The following IFIT1B variants were observed in gnomAD, a reference collection of about 807,000 sequenced individuals.
IFIT1B encodes the protein interferon induced protein with tetratricopeptide repeats 1B.
A neutral mutation model predicts 2.5 loss-of-function variants in IFIT1B; 3 were observed. That is an observed-to-expected ratio of 1.21 (90% CI 0.55 to 3.14). IFIT1B has a LOEUF of 3.14. Among genes scored for constraint, IFIT1B ranks in the 30% most tolerant of loss-of-function variants. The pLI, the probability that IFIT1B is intolerant of heterozygous loss-of-function variation, is 0.03. For synonymous variants in IFIT1B, 196 were observed against 203.0 expected, an observed-to-expected ratio of 0.97 and a Z score of 0.29; for missense variants, 545 against 556.5, an observed-to-expected ratio of 0.98 and a Z score of 0.21.
chr10:89,383,925 C>T lies in IFIT1B; in HGVS notation c.612C>T (p.His204=), dbSNP rs777499902. ...ASGRNKAFSL[H]VLKRAVRLNP... Reference sequence around the variant, plus strand: ...GGAGGAATAAGGCATTTTCTCTGCACGTCCTAAAACGAGCTGTCAGGCTAA... The same window carrying T: ...GGAGGAATAAGGCATTTTCTCTGCATGTCCTAAAACGAGCTGTCAGGCTAA... Residue 204 remains histidine, a synonymous_variant, in exon 2 of 2, where the codon CAC becomes CAT. Coordinates refer to ENST00000371809, the MANE Select transcript of IFIT1B (RefSeq NM_001010987.2). The T allele has an allele frequency of 2.5e-5, 41 of 1,614,034 alleles. 1 individual carries two copies. The highest frequency in any genetic ancestry group is 5.5e-5 in the South Asian group (5 of 91,084).
At chr10:89,379,677 CA>C (rs553381001) in intron 1 of IFIT1B, among the ~76,000 whole-genome samples, 3 of 151,940 alleles carry the variant, frequency 2.0e-5, no homozygotes, top group African/African-American at 7.3e-5. Context: ...TGAAGGATTG[CA>C]AAAAAATTCA....
chr10:89,385,067 T>G lies in IFIT1B; in HGVS notation c.*329T>G, dbSNP rs1844200703. 1 of 209,330 alleles carries G rather than the reference T, an allele frequency of 4.8e-6. No individual in the cohort carries two copies. Among genetic ancestry groups the G allele is most frequent in the South Asian group, 1.2e-4 (1 of 8,008 alleles). The allele number at this position is 209,330 out of a possible 1,614,324, so 13.0% of individuals were successfully genotyped here. A position where few individuals can be genotyped will look rare whatever the true frequency, so the allele number is the denominator to read the frequency against. The stretch of plus-strand genomic sequence containing the variant: ...TGTACTGACCTTATGTGGAAAATGC[T>G]GCAACCCTGTTTACTGCCTATGTAA... On this transcript the variant is annotated 3_prime_UTR_variant, in exon 2 of 2. Coordinates refer to ENST00000371809, the MANE Select transcript of IFIT1B (RefSeq NM_001010987.2).
chr10:89,384,519 T>G lies in IFIT1B; in HGVS notation c.1206T>G (p.Tyr402Ter). 1 of 1,614,024 alleles carries G rather than the reference T, an allele frequency of 6.2e-7. No homozygotes were observed. Among genetic ancestry groups the G allele is most frequent in the Non-Finnish European group, 8.5e-7 (1 of 1,179,922 alleles). Residue 402 changes from tyrosine (Y) to a stop codon, truncating the protein, a stop_gained, in exon 2 of 2, where the codon TAT becomes TAG. Transcript: ENST00000371809. LOFTEE classifies it low-confidence loss of function (END_TRUNC). ...GKSQDKAITHYLKGLKIEKMS... is the reference protein window; with the variant it reads ...GKSQDKAITH ...CTCAAGATAAAGCAATTACCCATTA[T>G]TTAAAAGGTTTGAAAATAGAAAAAA...
chr10:89,382,839 C>G (rs544512826), intron 1 of IFIT1B, among the ~76,000 whole-genome samples: 120 of 152,326 alleles, frequency 7.9e-4, no homozygotes, highest in African/African-American at 2.9e-3. Flanking sequence ...ATATTTGGCT[C>G]TCATATTTTA....
At position 89,383,837 on chromosome 10, in the gene IFIT1B, C is replaced by G; in HGVS notation, c.524C>G (p.Pro175Arg). ...GCTCTGGAAGGGAACCCTGAAAACC[C>G]TGAATTCAATACTGGGTACGCAATC... ...EKALEGNPEN[P>R]EFNTGYAITV... Residue 175 changes from proline to arginine, a missense_variant, in exon 2 of 2, where the codon CCT (proline) becomes CGT (arginine). Transcript: ENST00000371809. The G allele has an allele frequency of 6.2e-7, 1 of 1,614,186 alleles. No homozygotes were observed. The highest frequency in any genetic ancestry group is 8.5e-7 in the Non-Finnish European group (1 of 1,180,030).
Position 89,383,539 on chromosome 10 carries a change from A to T in IFIT1B, c.226A>T (p.Lys76Ter), listed in dbSNP as rs1409567030. ...GAATGAGGAAGCCCTGGTCAGCTTG[A>T]AAAAGGCTGAAGACTTAATTCAGAA... is the stretch of plus-strand genomic sequence containing the variant. ...GQNEEALVSL[K>*]KAEDLIQKEH... The change falls in exon 2 of 2, where the codon AAA (lysine) becomes TAA (stop). Residue 76 changes from lysine (K) to a stop codon, truncating the protein, a stop_gained. Transcript: ENST00000371809. LOFTEE classifies it low-confidence loss of function (END_TRUNC). 6.2e-7 allele frequency: 1 copy of T among 1,614,236 alleles called. No individual in the cohort carries two copies. Among genetic ancestry groups the T allele is most frequent in the Non-Finnish European group, 8.5e-7 (1 of 1,180,040 alleles).
At chr10:89,379,282 A>G (rs1844144041) in intron 1 of IFIT1B, among the ~76,000 whole-genome samples, 1 of 152,218 alleles carries the variant, frequency 6.6e-6, no homozygotes, top group South Asian at 2.1e-4. Context: ...GGTAGCAGAA[A>G]TGCAAATTCT....
In IFIT1B at chr10:89,384,692, A is replaced by G; in HGVS notation, c.1379A>G (p.Tyr460Cys). 1.9e-6 allele frequency: 3 copies of G among 1,614,156 alleles called. No individual in the cohort carries two copies. Among genetic ancestry groups the G allele is most frequent in the South Asian group, 1.1e-5 (1 of 91,076 alleles). The change falls in exon 2 of 2, where the codon TAT (tyrosine) becomes TGT (cysteine). Residue 460 changes from tyrosine to cysteine, a missense_variant. Physicochemically the swap from Tyr to Cys is radical, Grantham distance 194. Transcript: ENST00000371809. ...GAAGTAAGTGATGCTTTGCTGTGCT[A>G]TGAGAGGGCTCTGAGGCTGGCTGCT... Reference protein sequence around the residue: ...KGEVSDALLCYERALRLAADL... With the variant: ...KGEVSDALLCCERALRLAADL...
In IFIT1B at chr10:89,384,501, T is replaced by C. The variant is rs571644981; in HGVS notation, c.1188T>C (p.Asp396=). ...AAGAACATCATGGGAAATCTCAAGA[T>C]AAAGCAATTACCCATTATTTAAAAG... ...RFQEHHGKSQ[D]KAITHYLKGL... The change falls in exon 2 of 2, where the codon GAT becomes GAC. Residue 396 remains aspartate (D), a synonymous_variant. Transcript: ENST00000371809. 1.9e-6 allele frequency: 3 copies of C among 1,614,118 alleles called. No individual in the cohort carries two copies. In the East Asian group the frequency reaches 6.7e-5, roughly 36 times the overall value.
intron 1 of IFIT1B, among the ~76,000 whole-genome samples, chr10:89,381,503 A>G (rs1844162839): frequency 6.6e-6 from 1 of 152,182 alleles, no homozygotes; most frequent in Non-Finnish European, 1.5e-5. Context: ...TCAACTATAC[A>G]GTCCTATCCT....
chr10:89,380,157 G>C (rs1173634065), intron 1 of IFIT1B, among the ~76,000 whole-genome samples: 1 of 152,138 alleles, frequency 6.6e-6, no homozygotes, highest in Admixed American at 6.5e-5. Flanking sequence ...AATGGCCTGG[G>C]CGTATGTTTC....
intron 1 of IFIT1B, among the ~76,000 whole-genome samples, chr10:89,381,923 C>T (rs756022730): frequency 3.3e-5 from 5 of 151,916 alleles, no homozygotes; most frequent in Non-Finnish European, 7.4e-5. Flanking sequence ...GTAGCTGGGA[C>T]AACGCTGGCT....
chr10:89,381,449 G>A (rs1844162574), intron 1 of IFIT1B, among the ~76,000 whole-genome samples: 1 of 152,070 alleles, frequency 6.6e-6, no homozygotes, highest in African/African-American at 2.4e-5. Context: ...ATCTTCCTGG[G>A]CCACAGCTGG....
In IFIT1B at chr10:89,383,738, A is replaced by C; in HGVS notation, c.425A>C (p.Asp142Ala). ...SRYRMECPEV[D>A]CEEGWALAKC... is the part of the protein sequence containing the mutation. ...TATAGAATGGAGTGTCCAGAGGTGG[A>C]CTGTGAGGAAGGATGGGCCTTGGCG... The change falls in exon 2 of 2, where the codon GAC becomes GCC. Residue 142 changes from aspartate to alanine, a missense_variant. Transcript: ENST00000371809. The C allele has an allele frequency of 6.2e-7, 1 of 1,614,212 alleles. No homozygotes were observed. Among genetic ancestry groups the C allele is most frequent in the Non-Finnish European group, 8.5e-7 (1 of 1,180,034 alleles).
chr10:89,383,225 G>C, intron 1 of IFIT1B, 94 bp from the exon 2 acceptor site: 3 of 1,097,380 alleles, frequency 2.7e-6, no homozygotes, highest in Non-Finnish European at 4.0e-6. Context: ...GGGAAATTAG[G>C]ATAGAGCATA....
rs1237038719 is a variant in IFIT1B at position 89,384,309 on chromosome 10, T to C, written c.996T>C (p.Thr332=). Residue 332 remains threonine, a synonymous_variant, in exon 2 of 2, where the codon ACT becomes ACC. Coordinates refer to ENST00000371809, the MANE Select transcript of IFIT1B (RefSeq NM_001010987.2). ...TGGCTATATGCAAATTTGAAAAGAC[T>C]ATAATGTTAAAGCGAACATTTGAGA... The part of the protein sequence containing the change: ...VQLAICKFEK[T]IMLKRTFEMA... The C allele has an allele frequency of 6.2e-7, 1 of 1,614,102 alleles. No individual in the cohort carries two copies. The highest frequency in any genetic ancestry group is 1.3e-5 in the African/African-American group (1 of 74,938).
At position 89,384,007 on chromosome 10, in the gene IFIT1B, C is replaced by G. The variant is rs760243271; in HGVS notation, c.694C>G (p.Gln232Glu). 1.9e-6 allele frequency: 3 copies of G among 1,614,058 alleles called. No individual in the cohort carries two copies. The highest frequency in any genetic ancestry group is 2.2e-5 in the East Asian group (1 of 44,904). ...TGCCCTGAAGCTTCAGGATGAAGGA[C>G]AGGAAGCTGAAGGAGAAAAGTACAT... ...LLALKLQDEG[Q>E]EAEGEKYIEE... Residue 232 changes from glutamine (Q) to glutamate (E), a missense_variant, in exon 2 of 2, where the codon CAG becomes GAG. Transcript: ENST00000371809.
chr10:89,383,919 T>C lies in IFIT1B; in HGVS notation c.606T>C (p.Ser202=). 3.1e-6 allele frequency: 5 copies of C among 1,614,204 alleles called. No individual in the cohort carries two copies. Among genetic ancestry groups the C allele is most frequent in the Non-Finnish European group, 4.2e-6 (5 of 1,180,046 alleles). Residue 202 remains serine (S), a synonymous_variant, in exon 2 of 2, where the codon TCT becomes TCC. Coordinates refer to ENST00000371809, the MANE Select transcript of IFIT1B (RefSeq NM_001010987.2). ...CATCAGGGAGGAATAAGGCATTTTC[T>C]CTGCACGTCCTAAAACGAGCTGTCA... ...NTASGRNKAF[S]LHVLKRAVRL... is the part of the protein sequence containing the mutation.
At chr10:89,379,392 T>C (rs1048227546) in intron 1 of IFIT1B, among the ~76,000 whole-genome samples, 2 of 152,164 alleles carry the variant, frequency 1.3e-5, no homozygotes, top group Non-Finnish European at 2.9e-5. Flanking sequence ...CTGCTAAAAT[T>C]TGAAAAACCA....
Sources: gnomAD v4.1 joint callset for allele counts (sites outside exome capture counted in the v4.1 genomes callset) on GRCh38, gnomAD v4.1.1 for gene constraint, MANE v1.5 for transcripts, NCBI Gene and HGNC (gene_info 2026-07-23, HGNC 2026-07-21) for gene names.